FGF14: variants seen among roughly 807,000 people sequenced by gnomAD.
FGF14 encodes fibroblast growth factor homologous factor 4.
In FGF14, 5 loss-of-function variants were observed where a neutral mutation model predicts 25.5. That is an observed-to-expected ratio of 0.20 (90% CI 0.10 to 0.41). FGF14 has a LOEUF of 0.41. Ranked by LOEUF, FGF14 falls within the 10% of genes least tolerant of loss-of-function variation. The pLI, the probability that FGF14 is intolerant of heterozygous loss-of-function variation, is 1.00. For missense variants in FGF14, 222 were observed against 320.1 expected (o/e 0.69, Z 2.34); for synonymous variants, 138 against 118.3 (o/e 1.17, Z -1.08).
At chr13:101,910,084 G>T (rs2032740622) in intron 1 of FGF14, among the ~76,000 whole-genome samples, 1 of 151,730 alleles carries the variant, frequency 6.6e-6, no homozygotes, top group African/African-American at 2.4e-5. Flanking sequence ...CACACACGAG[G>T]GCCTGTTGTG....
chr13:101,790,374 T>C (rs2040163761), intron 3 of FGF14, among the ~76,000 whole-genome samples: 2 of 151,528 alleles, frequency 1.3e-5, no homozygotes, highest in African/African-American at 4.8e-5. Context: ...AGAACTAGGA[T>C]TGGGGTAGAT....
intron 1 of FGF14, among the ~76,000 whole-genome samples, chr13:102,089,004 A>G (rs1486129245): frequency 6.6e-6 from 1 of 152,196 alleles, no homozygotes; most frequent in Non-Finnish European, 1.5e-5. Flanking sequence ...AGGAAAGTCA[A>G]ATCCTTTCTG....
rs189535318 is a variant in FGF14 at position 101,988,949 on chromosome 13, A to G, written c.209-113653T>C. ...CCACAGATGGAAAATTTGTACCTAA[A>G]GACTTCAACCTTAAGATCAAACATA... On this transcript the variant is annotated intron_variant, in intron 1 of 4. Transcript: ENST00000376131. Among the ~76,000 whole-genome samples, 121 of 152,168 alleles carry G rather than the reference A, an allele frequency of 8.0e-4. 1 individual carries two copies. Among genetic ancestry groups the G allele is most frequent in the African/African-American group, 2.7e-3 (111 of 41,540 alleles).
intron 1 of FGF14, among the ~76,000 whole-genome samples, chr13:102,345,731 T>C (rs2057086889): frequency 6.6e-6 from 1 of 152,228 alleles, no homozygotes; most frequent in African/African-American, 2.4e-5. Context: ...TAACTTTATT[T>C]ACTTTTATGA....
At position 101,979,629 on chromosome 13, in the gene FGF14, G is replaced by C. The variant is rs543790380; in HGVS notation, c.209-104333C>G. 4.2e-3 allele frequency among the ~76,000 whole-genome samples: 636 copies of C among 152,250 alleles called. 3 individuals are homozygous for C. The highest frequency in any genetic ancestry group is 0.015 in the African/African-American group (606 of 41,538). On this transcript the variant is annotated intron_variant, in intron 1 of 4. Transcript: ENST00000376131. Reference sequence around the variant, plus strand: ...CTAGAAGCTGGGATAGGATGGTAAAGGACTGAAGTTGAAGTAGAAAGAAGG... The same window carrying C: ...CTAGAAGCTGGGATAGGATGGTAAACGACTGAAGTTGAAGTAGAAAGAAGG...
rs558128555 is a variant in FGF14, at chr13:102,313,864, T to C, written c.208+87607A>G. Among the ~76,000 whole-genome samples, 6 of 152,240 alleles carry C rather than the reference T, an allele frequency of 3.9e-5. No individual in the cohort carries two copies. In the South Asian group the frequency reaches 1.0e-3, roughly 26 times the overall value. ...TCACGTCACAAATTCCTCCACAAAG[T>C]AGTACTAGACGTTCAAGACAGAGAA... On this transcript the variant is annotated intron_variant, in intron 1 of 4. Coordinates refer to the FGF14 transcript ENST00000376131.
At chr13:101,859,050 A>C (rs74946135) in intron 3 of FGF14, among the ~76,000 whole-genome samples, 5 of 152,278 alleles carry the variant, frequency 3.3e-5, no homozygotes, top group African/African-American at 1.2e-4. Flanking sequence ...GCGTGTAAAT[A>C]AGTACTTTTC....
At chr13:102,308,603 C>T (rs1204338974) in intron 1 of FGF14, among the ~76,000 whole-genome samples, 1 of 152,130 alleles carries the variant, frequency 6.6e-6, no homozygotes, top group Non-Finnish European at 1.5e-5. Context: ...AGGTAGCAGA[C>T]CTAGTTTCTA....
chr13:101,988,244 A>G (rs149127179), intron 1 of FGF14, among the ~76,000 whole-genome samples: 1 of 151,998 alleles, frequency 6.6e-6, no homozygotes, highest in East Asian at 2.0e-4. Context: ...AATTGCAGAA[A>G]CAGATGGCAA....
intron 1 of FGF14, among the ~76,000 whole-genome samples, chr13:102,034,475 T>C (rs1414193516): frequency 6.6e-6 from 1 of 152,090 alleles, no homozygotes; most frequent in Non-Finnish European, 1.5e-5. Context: ...TATCTGGAAA[T>C]AAGAAAGACA....
At chr13:101,955,193 T>A (rs901635349) in intron 1 of FGF14, among the ~76,000 whole-genome samples, 3 of 152,222 alleles carry the variant, frequency 2.0e-5, no homozygotes, top group African/African-American at 4.8e-5. Flanking sequence ...TTCATTTTAG[T>A]TGTCTGAAAA....
intron 1 of FGF14, among the ~76,000 whole-genome samples, chr13:102,364,103 T>A (rs2057642533): frequency 6.6e-6 from 1 of 152,238 alleles, no homozygotes; most frequent in African/African-American, 2.4e-5. Context: ...GCTACTTTTT[T>A]ATTATAAGGA....
intron 1 of FGF14, among the ~76,000 whole-genome samples, chr13:102,015,108 A>T (rs2040271038): frequency 6.6e-6 from 1 of 152,150 alleles, no homozygotes; most frequent in Admixed American, 6.5e-5. Flanking sequence ...GGGTTTCACC[A>T]TGTTGGCCAG....
At chr13:101,807,538 T>C (rs1309327453) in intron 3 of FGF14, among the ~76,000 whole-genome samples, 1 of 152,146 alleles carries the variant, frequency 6.6e-6, no homozygotes, top group African/African-American at 2.4e-5. Flanking sequence ...CATTTTGCTG[T>C]GTTGAGCTCT....
chr13:101,817,365 C>A (rs2041895889), intron 3 of FGF14, among the ~76,000 whole-genome samples: 1 of 151,724 alleles, frequency 6.6e-6, no homozygotes. Context: ...AAAATAAAAC[C>A]CTGGATAAAC....
intron 1 of FGF14, among the ~76,000 whole-genome samples, chr13:101,953,581 T>TATATATATATATAC (rs1474604305): frequency 6.7e-6 from 1 of 149,794 alleles, no homozygotes; most frequent in Non-Finnish European, 1.5e-5. Flanking sequence ...TATATATATA[T>TATATATATATATAC]ATATATAATT....
At chr13:102,378,254 C>T (rs1035824127) in intron 1 of FGF14, among the ~76,000 whole-genome samples, 1 of 152,046 alleles carries the variant, frequency 6.6e-6, no homozygotes, top group Non-Finnish European at 1.5e-5. Context: ...TGCACCACTC[C>T]GGTGTGGTAT....
chr13:102,374,920 T>C (rs1478887354), intron 1 of FGF14, among the ~76,000 whole-genome samples: 1 of 151,900 alleles, frequency 6.6e-6, no homozygotes, highest in Non-Finnish European at 1.5e-5. Context: ...TGAATTATGC[T>C]GATTCTGCAA....
Position 101,715,745 on chromosome 13 carries a change from C to A in FGF14, c.*7086G>T. On this transcript the variant is annotated 3_prime_UTR_variant, in exon 5 of 5. Transcript: ENST00000376143. ...AAACCATGTATATTCACCACTAGGA[C>A]AGGTTAAAAAGACCATTGTATGTTT... The A allele has an allele frequency of 1.3e-6, 1 of 770,516 alleles. No homozygotes were observed. Among genetic ancestry groups the A allele is most frequent in the Non-Finnish European group, 2.3e-6 (1 of 444,088 alleles). The allele number at this position is 770,516 out of a possible 1,614,324, so 47.7% of individuals were successfully genotyped here.
Sources: gnomAD v4.1 joint callset for allele counts (sites outside exome capture counted in the v4.1 genomes callset) on GRCh38, gnomAD v4.1.1 for gene constraint, MANE v1.5 for transcripts, NCBI Gene and HGNC (gene_info 2026-07-23, HGNC 2026-07-21) for gene names.